Variants in TRIM51G observed in about 807,000 individuals in gnomAD.
TRIM51G encodes tripartite motif-containing 51G, also known as tripartite motif-containing protein 51G.
chr11:48,977,257 A>G, the TRIM51G span: 5 of 699,640 alleles, frequency 7.1e-6, no homozygotes, highest in Non-Finnish European at 1.0e-5. Flanking sequence ...TATTTAAAAG[A>G]CATTTCATGA....
the TRIM51G span, chr11:48,981,332 G>C: frequency 1.2e-6 from 2 of 1,606,264 alleles, no homozygotes; most frequent in African/African-American, 1.3e-5. Flanking sequence ...CTGTGATTCC[G>C]GTGCTCCTGA....
At chr11:48,979,218 A>C in the TRIM51G span, 2 of 559,030 alleles carry the variant, frequency 3.6e-6, no homozygotes, top group South Asian at 3.4e-5. Context: ...GTCAATTCTC[A>C]GATTCCACAA....
the TRIM51G span, among the ~76,000 whole-genome samples, chr11:48,982,981 A>G: frequency 9.4e-6 from 1 of 106,556 alleles, no homozygotes; most frequent in African/African-American, 3.4e-5. Flanking sequence ...ATATATATAT[A>G]TATATAGTTA....
At chr11:48,980,791 T>G in the TRIM51G span, 298,750 of 385,304 alleles carry the variant, frequency 0.78, 117,369 homozygotes, top group Non-Finnish European at 0.81. Flanking sequence ...CAAGTGTTTT[T>G]TCCTTGTTTG....
At chr11:48,980,638 GC>G in the TRIM51G span, among the ~76,000 whole-genome samples, 4 of 152,064 alleles carry the variant, frequency 2.6e-5, no homozygotes, top group Non-Finnish European at 4.4e-5. Flanking sequence ...GTGTGAAATG[GC>G]CCAGTTTCTT....
the TRIM51G span, chr11:48,978,280 A>G: frequency 2.3e-6 from 1 of 444,374 alleles, no homozygotes; most frequent in African/African-American, 2.1e-5. Flanking sequence ...CCTCCTGGAA[A>G]GCATTTTCTG....
the TRIM51G span, chr11:48,975,583 A>T: frequency 1.4e-6 from 2 of 1,384,324 alleles, no homozygotes; most frequent in Admixed American, 3.4e-5. Context: ...ACTTCTATCC[A>T]CATCAACAAA....
At chr11:48,978,549 T>A in the TRIM51G span, among the ~76,000 whole-genome samples, 1 of 152,296 alleles carries the variant, frequency 6.6e-6, no homozygotes, top group African/African-American at 2.4e-5. Context: ...TTAGCCTAAA[T>A]GCCAATGAAT....
chr11:48,980,002 G>A, the TRIM51G span, among the ~76,000 whole-genome samples: 1 of 151,814 alleles, frequency 6.6e-6, no homozygotes, highest in Non-Finnish European at 1.5e-5. Flanking sequence ...CCTGGACTCT[G>A]TGCTCCTTTT....
At chr11:48,976,058 A>G in the TRIM51G span, 48 of 395,510 alleles carry the variant, frequency 1.2e-4, no homozygotes, top group Admixed American at 2.5e-4. Context: ...AGAATTCTTG[A>G]GGGAAAAGTT....
the TRIM51G span, among the ~76,000 whole-genome samples, chr11:48,976,842 C>A: frequency 1.3e-5 from 2 of 152,084 alleles, no homozygotes; most frequent in African/African-American, 4.8e-5. Flanking sequence ...TATGTCATTA[C>A]ATTTACCCAA....
the TRIM51G span, among the ~76,000 whole-genome samples, chr11:48,977,755 C>T: frequency 6.6e-6 from 1 of 152,056 alleles, no homozygotes. Flanking sequence ...TCTGGCTTCC[C>T]CTGGTTTACT....
At chr11:48,978,187 G>T in the TRIM51G span, 1 of 532,226 alleles carries the variant, frequency 1.9e-6, no homozygotes, top group Non-Finnish European at 3.9e-6. Flanking sequence ...AAGGCTTAGT[G>T]CTTTCCACAA....
chr11:48,976,073 T>C, the TRIM51G span: 4 of 380,040 alleles, frequency 1.1e-5, no homozygotes, highest in East Asian at 6.8e-5. Flanking sequence ...AAAGTTGTTC[T>C]ACCAAGAATT....
chr11:48,977,225 A>T, the TRIM51G span: 2 of 836,220 alleles, frequency 2.4e-6, no homozygotes, highest in East Asian at 5.1e-5. Flanking sequence ...CAGCCAAAAA[A>T]ATACATAAGA....
chr11:48,980,827 G>A, the TRIM51G span: 3 of 427,790 alleles, frequency 7.0e-6, no homozygotes, highest in South Asian at 1.8e-5. Flanking sequence ...ATTATGGGTT[G>A]AGATCAAGTT....
At chr11:48,976,763 T>A in the TRIM51G span, among the ~76,000 whole-genome samples, 2 of 152,114 alleles carry the variant, frequency 1.3e-5, no homozygotes, top group African/African-American at 2.4e-5. Flanking sequence ...CAATGTAAAA[T>A]TTTTATGTAA....
chr11:48,982,030 C>A, the TRIM51G span, among the ~76,000 whole-genome samples: 2 of 152,186 alleles, frequency 1.3e-5, no homozygotes, highest in South Asian at 2.1e-4. Context: ...ATGCTTGTCC[C>A]TATTTCTCTA....
At chr11:48,978,786 A>G in the TRIM51G span, 8 of 673,192 alleles carry the variant, frequency 1.2e-5, no homozygotes, top group East Asian at 5.6e-5. Context: ...TCATGGAAGT[A>G]AAGGGGGAGA....
Sources: gnomAD v4.1 joint callset for allele counts (sites outside exome capture counted in the v4.1 genomes callset) on GRCh38, gnomAD v4.1.1 for gene constraint, MANE v1.5 for transcripts, NCBI Gene and HGNC (gene_info 2026-07-23, HGNC 2026-07-21) for gene names.